KCTD16: variants seen among roughly 807,000 people sequenced by gnomAD.
KCTD16 encodes BTB/POZ domain-containing protein KCTD16.
KCTD16 carries 13 observed loss-of-function variants against 33.2 expected under a neutral mutation model. The ratio of observed to expected loss-of-function variants is 0.39; its 90% confidence interval spans 0.25 to 0.62. The LOEUF (loss-of-function observed/expected upper bound fraction) is 0.62. Among genes scored for constraint, KCTD16 ranks in the 20% least tolerant of loss-of-function variants. The pLI is 0.50. For missense variants in KCTD16, 441 were observed against 525.1 expected (o/e 0.84, Z 1.57); for synonymous variants, 197 against 195.3 (o/e 1.01, Z -0.07).
chr5:144,451,933 G>A (rs1004267307), intron 3 of KCTD16, among the ~76,000 whole-genome samples: 1 of 151,994 alleles, frequency 6.6e-6, no homozygotes, highest in Non-Finnish European at 1.5e-5. Flanking sequence ...CAGAAGGGAA[G>A]GAGGGAGGGA....
At chr5:144,227,958 G>T (rs1753985308) in intron 3 of KCTD16, among the ~76,000 whole-genome samples, 1 of 152,134 alleles carries the variant, frequency 6.6e-6, no homozygotes, top group African/African-American at 2.4e-5. Flanking sequence ...TTTTTTAGAG[G>T]TAATATTAGG....
chr5:144,273,896 C>G (rs1213953819), intron 3 of KCTD16, among the ~76,000 whole-genome samples: 2 of 151,594 alleles, frequency 1.3e-5, no homozygotes, highest in South Asian at 4.2e-4. Context: ...TATTTGTTAA[C>G]ACAAACTTGT....
At chr5:144,173,861 C>T (rs1382105229) in intron 1 of KCTD16, among the ~76,000 whole-genome samples, 5 of 151,288 alleles carry the variant, frequency 3.3e-5, no homozygotes, top group Non-Finnish European at 7.4e-5. Context: ...TGAGAACATC[C>T]ACTAATTTCA....
At chr5:144,295,773 AGT>A (rs961541040) in intron 3 of KCTD16, among the ~76,000 whole-genome samples, 23 of 152,314 alleles carry the variant, frequency 1.5e-4, no homozygotes, top group African/African-American at 5.5e-4. Context: ...AGTTCTCAAA[AGT>A]GGAGAATCTT....
rs1285358315 is a variant in KCTD16, at chr5:144,479,685, T to G, written c.*5571T>G. 6.6e-6 allele frequency: 1 copy of G among 152,016 alleles called. No homozygotes were observed. Among genetic ancestry groups the G allele is most frequent in the Non-Finnish European group, 1.5e-5 (1 of 67,968 alleles). The allele number at this position is 152,016 out of a possible 1,614,324, so 9.4% of individuals were successfully genotyped here. On this transcript the variant is annotated 3_prime_UTR_variant, in exon 4 of 4. Transcript: ENST00000512467. ...TGCCCTCTCTCCTCTACTTCCTAAG[T>G]GGGATCCCTTTTCTGTCCCGGCTTC...
At chr5:144,205,120 A>G (rs542970506) in intron 2 of KCTD16, among the ~76,000 whole-genome samples, 1 of 152,286 alleles carries the variant, frequency 6.6e-6, no homozygotes, top group Admixed American at 6.5e-5. Context: ...AAAGACAAGG[A>G]AGAAGGAAAA....
intron 3 of KCTD16, among the ~76,000 whole-genome samples, chr5:144,229,026 C>T (rs1347030558): frequency 1.3e-5 from 2 of 152,134 alleles, no homozygotes; most frequent in African/African-American, 4.8e-5. Context: ...TGACCAGTGG[C>T]ACTGAAGGAC....
At chr5:144,304,917 C>A (rs1160892432) in intron 3 of KCTD16, among the ~76,000 whole-genome samples, 3 of 151,676 alleles carry the variant, frequency 2.0e-5, no homozygotes. Context: ...AACACTAGGG[C>A]CAAAGGCCCT....
chr5:144,242,548 T>A (rs1754433208), intron 3 of KCTD16, among the ~76,000 whole-genome samples: 1 of 152,202 alleles, frequency 6.6e-6, no homozygotes. Flanking sequence ...GGTATGTTAT[T>A]GTCTTAGTCC....
chr5:144,346,840 T>C (rs371776266), intron 3 of KCTD16, among the ~76,000 whole-genome samples: 2 of 152,192 alleles, frequency 1.3e-5, no homozygotes, highest in African/African-American at 4.8e-5. Flanking sequence ...TCCTTTGTTG[T>C]GCAGAAGCGT....
At chr5:144,309,355 T>A (rs1400331917) in intron 3 of KCTD16, among the ~76,000 whole-genome samples, 3 of 150,296 alleles carry the variant, frequency 2.0e-5, no homozygotes, top group African/African-American at 7.5e-5. Context: ...GGCATTCATA[T>A]CTCCTCCACA....
chr5:144,181,057 C>T (rs1004961400), intron 2 of KCTD16, among the ~76,000 whole-genome samples: 1 of 152,096 alleles, frequency 6.6e-6, no homozygotes, highest in South Asian at 2.1e-4. Context: ...CTCAGCCTCC[C>T]GAGTAGCTGG....
intron 2 of KCTD16, chr5:144,205,827 C>G (rs1561528168): frequency 2.8e-6 from 1 of 362,520 alleles, no homozygotes; most frequent in South Asian, 1.5e-4. Context: ...TACCTACATA[C>G]ATACATAAAT....
intron 3 of KCTD16, among the ~76,000 whole-genome samples, chr5:144,472,894 T>C (rs374390180): frequency 1.3e-5 from 2 of 152,360 alleles, no homozygotes; most frequent in Non-Finnish European, 2.9e-5. Context: ...ACAAGGATAC[T>C]GAATAAAATG....
At chr5:144,289,536 A>G (rs566660516) in intron 3 of KCTD16, among the ~76,000 whole-genome samples, 1 of 152,304 alleles carries the variant, frequency 6.6e-6, no homozygotes, top group Non-Finnish European at 1.5e-5. Context: ...TACTGATTCC[A>G]TGCTCGTACT....
intron 3 of KCTD16, among the ~76,000 whole-genome samples, chr5:144,241,765 A>T (rs1754410580): frequency 6.6e-6 from 1 of 152,198 alleles, no homozygotes; most frequent in African/African-American, 2.4e-5. Flanking sequence ...ATTAGTGGCT[A>T]TGAAAAATTA....
At chr5:144,373,228 C>A (rs1752009052) in intron 3 of KCTD16, among the ~76,000 whole-genome samples, 1 of 152,078 alleles carries the variant, frequency 6.6e-6, no homozygotes, top group Non-Finnish European at 1.5e-5. Flanking sequence ...GGTCTCCTGA[C>A]TCTTGATCTT....
Position 144,207,089 on chromosome 5 carries a change from T to A in KCTD16, c.375T>A (p.Asp125Glu), listed in dbSNP as rs760940703. 4 of 1,611,518 alleles carry A rather than the reference T, an allele frequency of 2.5e-6. No individual in the cohort carries two copies. The highest frequency in any genetic ancestry group is 3.4e-5 in the Admixed American group (2 of 59,590). Residue 125 changes from aspartate to glutamate, a missense_variant, in exon 3 of 4, where the codon GAT (aspartate) becomes GAA (glutamate). By Grantham distance (45) the Asp-to-Glu change is conservative. Coordinates refer to ENST00000512467, the MANE Select transcript of KCTD16 (RefSeq NM_020768.4). Reference protein sequence around the residue: ...LPDLVKLLTPDEIKQSPDEFC... With the variant: ...LPDLVKLLTPEEIKQSPDEFC... ...ACTTGGTCAAACTCCTGACCCCCGA[T>A]GAAATCAAGCAAAGCCCAGATGAAT...
intron 3 of KCTD16, among the ~76,000 whole-genome samples, chr5:144,243,366 GCTC>G (rs1355012137): frequency 6.6e-6 from 1 of 152,114 alleles, no homozygotes; most frequent in African/African-American, 2.4e-5. Context: ...GGGAAGTTGT[GCTC>G]CTCCTCAAGG....
Sources: allele counts gnomAD v4.1 joint callset (sites outside exome capture counted in the v4.1 genomes callset), GRCh38; gene constraint gnomAD v4.1.1; transcripts MANE v1.5; gene names NCBI Gene and HGNC (gene_info 2026-07-23, HGNC 2026-07-21).